Variants in COL21A1 observed in about 807,000 individuals in gnomAD.
COL21A1 encodes the protein collagen type XXI alpha 1 chain.
In COL21A1, 149 loss-of-function variants were observed where a neutral mutation model predicts 137.9. The observed-to-expected ratio is 1.08, with a 90% CI of 0.95 to 1.24. The LOEUF (loss-of-function observed/expected upper bound fraction) is 1.24. COL21A1 is among the 50% of genes most tolerant of loss of function. COL21A1 has a pLI of 0.00. For missense variants in COL21A1, 1,167 were observed against 1,158.4 expected, an observed-to-expected ratio of 1.01 and a Z score of -0.11; for synonymous variants, 456 against 391.5, an observed-to-expected ratio of 1.16 and a Z score of -1.95.
At chr6:56,377,160 T>A (rs960367617) in intron 1 of COL21A1, among the ~76,000 whole-genome samples, 1 of 151,978 alleles carries the variant, frequency 6.6e-6, no homozygotes, top group Non-Finnish European at 1.5e-5. Context: ...TTATTTATTT[T>A]TTGTATTTTT....
chr6:56,251,374 T>A (rs988946297), upstream of COL21A1, among the ~76,000 whole-genome samples: 3 of 152,202 alleles, frequency 2.0e-5, no homozygotes, highest in African/African-American at 7.2e-5. Context: ...TCTACATTGT[T>A]TCTCATTATA....
At chr6:56,098,863 G>T (rs75378104) in intron 17 of COL21A1, among the ~76,000 whole-genome samples, 1 of 147,200 alleles carries the variant, frequency 6.8e-6, no homozygotes, top group Non-Finnish European at 1.5e-5. Context: ...CTACAGGCAC[G>T]TGCCACCACG....
At chr6:56,290,501 T>TTTTG (rs1764014380) in intron 1 of COL21A1, among the ~76,000 whole-genome samples, 1 of 114,224 alleles carries the variant, frequency 8.8e-6, no homozygotes, top group South Asian at 2.7e-4. Context: ...CTTAGGAGAT[T>TTTTG]TTTTTTTTTT....
At chr6:56,102,276 A>G (rs1770527427) in intron 16 of COL21A1, among the ~76,000 whole-genome samples, 1 of 152,186 alleles carries the variant, frequency 6.6e-6, no homozygotes, top group South Asian at 2.1e-4. Context: ...CTATTAAACT[A>G]TCTGAGCAAA....
At chr6:56,334,930 C>A (rs891456339) in intron 1 of COL21A1, among the ~76,000 whole-genome samples, 3 of 152,244 alleles carry the variant, frequency 2.0e-5, no homozygotes, top group Admixed American at 2.0e-4. Flanking sequence ...AAGTCCACAC[C>A]AAATGCTGGC....
Position 56,305,969 on chromosome 6 carries a change from T to G in COL21A1, c.-39+88002A>C, listed in dbSNP as rs551260675. Among the ~76,000 whole-genome samples the G allele has an allele frequency of 2.8e-3, 406 of 146,892 alleles. 4 individuals are homozygous for G. Among genetic ancestry groups the G allele is most frequent in the African/African-American group, 9.3e-3 (376 of 40,272 alleles). ...TCTCAGCATTTGCTTGTCTGTAAAG[T>G]ATTTTATTTCTCCTTCACTTATGAA... On this transcript the variant is annotated intron_variant, in intron 1 of 28. Coordinates refer to the COL21A1 transcript ENST00000370819.
At chr6:56,307,663 G>C (rs1243841925) in intron 1 of COL21A1, among the ~76,000 whole-genome samples, 1 of 152,190 alleles carries the variant, frequency 6.6e-6, no homozygotes, top group African/African-American at 2.4e-5. Flanking sequence ...CTGACCCCTT[G>C]CTCTTCCTGG....
At chr6:56,114,266 TG>T (rs1214801605) in intron 16 of COL21A1, among the ~76,000 whole-genome samples, 2 of 152,146 alleles carry the variant, frequency 1.3e-5, no homozygotes, top group Non-Finnish European at 2.9e-5. Context: ...TGAGACCCAG[TG>T]CTGTGCTGGC....
intron 1 of COL21A1, among the ~76,000 whole-genome samples, chr6:56,187,707 A>AACTAAAAC (rs1262458174): frequency 9.6e-4 from 143 of 149,252 alleles, no homozygotes; most frequent in African/African-American, 3.4e-3. Context: ...TAGATGTAAA[A>AACTAAAAC]ACTAAAACTA....
intron 1 of COL21A1, among the ~76,000 whole-genome samples, chr6:56,381,376 A>G (rs918573392): frequency 1.3e-5 from 2 of 152,258 alleles, no homozygotes; most frequent in Non-Finnish European, 1.5e-5. Flanking sequence ...CCTCTGCCCA[A>G]GCAGAAACAA....
At chr6:56,231,830 A>T (rs1781583877) in intron 1 of COL21A1, among the ~76,000 whole-genome samples, 2 of 151,842 alleles carry the variant, frequency 1.3e-5, no homozygotes, top group South Asian at 2.1e-4. Flanking sequence ...CATTCAGATC[A>T]TTCTCTTTTC....
rs143150694 is a variant in COL21A1, at chr6:56,291,414, T to A, written c.-39+102557A>T. ...CAGAAAGGAACCGCTGCTGCCAGAC[T>A]GAAGCAGCATTGCTGGGATGATACA... On this transcript the variant is annotated intron_variant, in intron 1 of 28. Transcript: ENST00000370819. Among the ~76,000 whole-genome samples, 277 of 152,344 alleles carry A rather than the reference T, an allele frequency of 1.8e-3. 1 individual carries two copies. Among genetic ancestry groups the A allele is most frequent in the African/African-American group, 6.5e-3 (272 of 41,590 alleles).
intron 12 of COL21A1, among the ~76,000 whole-genome samples, chr6:56,141,036 GT>G (rs1420055804): frequency 7.9e-5 from 12 of 152,128 alleles, no homozygotes; most frequent in Admixed American, 4.6e-4. Flanking sequence ...CAAAAATTTA[GT>G]TCAATTATTT....
intron 1 of COL21A1, among the ~76,000 whole-genome samples, chr6:56,367,089 A>C (rs1416989706): frequency 1.3e-5 from 2 of 152,242 alleles, no homozygotes; most frequent in African/African-American, 2.4e-5. Context: ...GGCTCATCAG[A>C]AACATGTTAA....
chr6:56,130,190 TATATATATATATATATATATAA>T (rs1194476184), intron 12 of COL21A1, among the ~76,000 whole-genome samples: 11 of 14,092 alleles, frequency 7.8e-4, no homozygotes, highest in South Asian at 2.4e-3. Context: ...TATATATATA[TATATATATATATATATATATAA>T]AATTTCAAAT....
At chr6:56,324,225 C>T (rs540401928) in intron 1 of COL21A1, among the ~76,000 whole-genome samples, 38 of 152,238 alleles carry the variant, frequency 2.5e-4, no homozygotes, top group African/African-American at 8.7e-4. Context: ...ACTCAACCAG[C>T]CTTCAATGCC....
intron 1 of COL21A1, chr6:56,276,551 A>G (rs1047301405): frequency 1.3e-5 from 17 of 1,336,140 alleles, no homozygotes; most frequent in African/African-American, 8.7e-5. Context: ...ATATACTTCA[A>G]ATTTGTACTT....
chr6:56,358,448 C>T (rs565873773), intron 1 of COL21A1, among the ~76,000 whole-genome samples: 7 of 152,206 alleles, frequency 4.6e-5, no homozygotes, highest in South Asian at 2.1e-4. Context: ...AATCTTCAAA[C>T]GATGATTGCA....
chr6:56,119,755 A>G (rs1416726890), intron 16 of COL21A1, among the ~76,000 whole-genome samples: 2 of 152,166 alleles, frequency 1.3e-5, no homozygotes, highest in Non-Finnish European at 2.9e-5. Context: ...ACAAATCTAC[A>G]TACCTACAGT....
Sources: allele counts gnomAD v4.1 joint callset (sites outside exome capture counted in the v4.1 genomes callset), GRCh38; gene constraint gnomAD v4.1.1; transcripts MANE v1.5; gene names NCBI Gene and HGNC (gene_info 2026-07-23, HGNC 2026-07-21).